The following MYO18B variants were observed in gnomAD, a reference collection of about 807,000 sequenced individuals.
MYO18B encodes unconventional myosin-XVIIIb.
A neutral mutation model predicts 273.0 loss-of-function variants in MYO18B; 204 were observed. The ratio of observed to expected loss-of-function variants is 0.75; its 90% CI spans 0.67 to 0.84. The LOEUF (loss-of-function observed/expected upper bound fraction) is 0.84, where lower values mean the gene tolerates loss of function less well. Ranked by LOEUF, MYO18B falls within the 40% of genes least tolerant of loss-of-function variation. The pLI is 0.00. For missense variants in MYO18B, 3,212 were observed against 3,287.6 expected (o/e 0.98, Z 0.56); for synonymous variants, 1,330 against 1,305.7 (o/e 1.02, Z -0.40).
At chr22:25,745,493 A>G (rs1361354759) in intron 1 of MYO18B, among the ~76,000 whole-genome samples, 2 of 151,596 alleles carry the variant, frequency 1.3e-5, no homozygotes, top group African/African-American at 4.9e-5. Context: ...ACACACACAC[A>G]CACACACACG....
At chr22:25,891,947 A>G (rs2146285203) in intron 27 of MYO18B, among the ~76,000 whole-genome samples, 1 of 152,260 alleles carries the variant, frequency 6.6e-6, no homozygotes, top group East Asian at 1.9e-4. Flanking sequence ...AGGATCACTT[A>G]AGCCTGGGAG....
At chr22:25,974,062 G>C in intron 39 of MYO18B, among the ~76,000 whole-genome samples, 1 of 152,228 alleles carries the variant, frequency 6.6e-6, no homozygotes, top group Middle Eastern at 3.4e-3. Context: ...TTTCCACAAG[G>C]TACCATCAAC....
intron 21 of MYO18B, among the ~76,000 whole-genome samples, chr22:25,859,244 G>T (rs965921753): frequency 2.6e-5 from 4 of 152,072 alleles, no homozygotes; most frequent in African/African-American, 7.2e-5. Flanking sequence ...AATAGTAGTA[G>T]ATATTTAATC....
At chr22:25,809,807 C>T (rs5761243) in intron 12 of MYO18B, among the ~76,000 whole-genome samples, 10,011 of 152,162 alleles carry the variant, frequency 0.066, 577 homozygotes, top group East Asian at 0.21. Flanking sequence ...GGATGCTCTT[C>T]AAGCTGTGGT....
chr22:25,847,078 CAA>C (rs35672001), intron 19 of MYO18B, among the ~76,000 whole-genome samples: 2 of 139,286 alleles, frequency 1.4e-5, no homozygotes, highest in Admixed American at 7.2e-5. Context: ...GACTCTGTCT[CAA>C]AAAAAAAAAA....
intron 34 of MYO18B, among the ~76,000 whole-genome samples, chr22:25,934,254 C>G (rs2092548379): frequency 6.6e-6 from 1 of 151,586 alleles, no homozygotes; most frequent in South Asian, 2.1e-4. Context: ...TAGGGTTGAC[C>G]ATTACATTTT....
intron 12 of MYO18B, among the ~76,000 whole-genome samples, chr22:25,808,616 C>G (rs1172073489): frequency 6.6e-6 from 1 of 152,112 alleles, no homozygotes; most frequent in Admixed American, 6.6e-5. Context: ...CCATCCAGTC[C>G]CCAATTTGGA....
At chr22:26,041,301 G>C in the MYO18B span, among the ~76,000 whole-genome samples, 2 of 142,096 alleles carry the variant, frequency 1.4e-5, no homozygotes, top group Non-Finnish European at 3.0e-5. Context: ...GGTCACTAGA[G>C]CCTAGGAATT....
chr22:25,806,887 C>T (rs1236043434), intron 12 of MYO18B, among the ~76,000 whole-genome samples: 4 of 152,198 alleles, frequency 2.6e-5, no homozygotes, highest in Non-Finnish European at 5.9e-5. Flanking sequence ...GTGTCAGTGA[C>T]TTTTCATCTC....
At chr22:25,871,036 G>A (rs1298566429) in intron 22 of MYO18B, among the ~76,000 whole-genome samples, 1 of 152,200 alleles carries the variant, frequency 6.6e-6, no homozygotes, top group Non-Finnish European at 1.5e-5. Context: ...ACTGTCAAAA[G>A]CAAATCAAGG....
chr22:25,801,369 G>C (rs2088187468), intron 12 of MYO18B, among the ~76,000 whole-genome samples: 1 of 152,160 alleles, frequency 6.6e-6, no homozygotes, highest in Non-Finnish European at 1.5e-5. Context: ...TATGCCCTTG[G>C]ATTGGATTAG....
Position 25,911,045 on chromosome 22 carries a change from G to A in MYO18B, c.5359G>A (p.Asp1787Asn), listed in dbSNP as rs1191872084. 6.2e-7 allele frequency: 1 copy of A among 1,600,008 alleles called. No individual in the cohort carries two copies. Among genetic ancestry groups the A allele is most frequent in the Non-Finnish European group, 8.5e-7 (1 of 1,173,068 alleles). ...DLEGLIGTLC[D>N]QIGHRDFDVE... is the part of the protein sequence containing the mutation. ...GGAAGGCTTGATCGGAACCCTCTGTGACCAGGTAAGGGGGAGACATTGGCA... is the reference window on the plus strand; with the variant it reads ...GGAAGGCTTGATCGGAACCCTCTGTAACCAGGTAAGGGGGAGACATTGGCA... The change falls in exon 33 of 44, where the codon GAC becomes AAC. Residue 1787 changes from aspartate to asparagine, a missense_variant. Asp to Asn is a conservative substitution (Grantham distance 23, BLOSUM62 1). Transcript: ENST00000335473.
chr22:25,947,139 G>A (rs751051052), intron 35 of MYO18B, among the ~76,000 whole-genome samples: 3 of 149,990 alleles, frequency 2.0e-5, no homozygotes, highest in Non-Finnish European at 4.5e-5. Context: ...ACACATACAT[G>A]CGCACACGTG....
chr22:26,014,858 C>T (rs925093257), intron 42 of MYO18B, among the ~76,000 whole-genome samples: 4 of 150,756 alleles, frequency 2.7e-5, no homozygotes, highest in African/African-American at 7.3e-5. Context: ...TGTATGCCTT[C>T]TTTTTAAAAG....
chr22:25,964,082 G>A (rs1569243000), intron 39 of MYO18B: 1 of 152,152 alleles, frequency 6.6e-6, no homozygotes, highest in Non-Finnish European at 1.5e-5. Flanking sequence ...GAGGTTTGGA[G>A]ATATACCCTT....
intron 39 of MYO18B, among the ~76,000 whole-genome samples, chr22:25,965,523 G>A (rs2092968271): frequency 6.6e-6 from 1 of 152,170 alleles, no homozygotes; most frequent in Non-Finnish European, 1.5e-5. Flanking sequence ...GCCAATTTCT[G>A]TGGTGTAAAT....
chr22:26,003,159 A>G, intron 40 of MYO18B, 106 bp from the exon 41 acceptor site: 1 of 999,782 alleles, frequency 1.0e-6, no homozygotes, highest in Non-Finnish European at 1.5e-6. Context: ...ACAGGGGCAA[A>G]GGTTGGAAGT....
At chr22:25,766,102 C>T (rs1420631240) in intron 3 of MYO18B, among the ~76,000 whole-genome samples, 1 of 151,938 alleles carries the variant, frequency 6.6e-6, no homozygotes, top group Non-Finnish European at 1.5e-5. Flanking sequence ...AAAAGTGCCC[C>T]AGGAGATTCC....
the MYO18B span, among the ~76,000 whole-genome samples, chr22:26,037,915 C>T: frequency 6.6e-6 from 1 of 152,274 alleles, no homozygotes; most frequent in African/African-American, 2.4e-5. Context: ...CATGGAAGTC[C>T]CAGGAGTGGG....
Sources: gnomAD v4.1 joint callset for allele counts (sites outside exome capture counted in the v4.1 genomes callset) on GRCh38, gnomAD v4.1.1 for gene constraint, MANE v1.5 for transcripts, NCBI Gene and HGNC (gene_info 2026-07-23, HGNC 2026-07-21) for gene names.